The following SEC63 variants were observed in gnomAD, a reference collection of about 807,000 sequenced individuals.
SEC63 encodes translocation protein SEC63 homolog.
Under a neutral mutation model 116.2 loss-of-function variants are expected in SEC63, and 56 were observed. That is an observed-to-expected ratio of 0.48 (90% CI 0.39 to 0.60). The LOEUF (loss-of-function observed/expected upper bound fraction) is 0.60. Among genes scored for constraint, SEC63 ranks in the 20% least tolerant of loss-of-function variants. The pLI, the probability that SEC63 is intolerant of heterozygous loss-of-function variation, is 0.00. For missense variants in SEC63, 668 were observed against 900.0 expected, an observed-to-expected ratio of 0.74 and a Z score of 3.30; for synonymous variants, 273 against 294.6, an observed-to-expected ratio of 0.93 and a Z score of 0.75.
Position 107,913,421 on chromosome 6 carries a change from C to T in SEC63, c.459G>A (p.Thr153=), listed in dbSNP as rs757425498. 7.4e-6 allele frequency: 12 copies of T among 1,612,174 alleles called. No homozygotes were observed. Among genetic ancestry groups the T allele is most frequent in the African/African-American group, 5.3e-5 (4 of 74,868 alleles). ...MRIAKAYAAL[T]DEESRKNWEE... ...CCCAATTTTTCCGGGACTCTTCATC[C>T]GTTAAACTAGCATCAAAAGAACAAA... Residue 153 remains threonine, a synonymous_variant, in exon 5 of 21, where the codon ACG becomes ACA. Coordinates refer to ENST00000369002, the MANE Select transcript of SEC63 (RefSeq NM_007214.5).
chr6:107,924,009 A>T (rs1425929253), intron 3 of SEC63, among the ~76,000 whole-genome samples: 1 of 152,220 alleles, frequency 6.6e-6, no homozygotes, highest in Non-Finnish European at 1.5e-5. Context: ...TCACGCCTGT[A>T]ATCCCAGCAC....
intron 17 of SEC63, among the ~76,000 whole-genome samples, chr6:107,881,645 A>G (rs1208314463): frequency 2.0e-5 from 3 of 152,120 alleles, no homozygotes; most frequent in African/African-American, 7.2e-5. Context: ...TTTAGGACCA[A>G]CTAAAGCCCA....
At chr6:107,916,901 G>A (rs1376664647) in intron 4 of SEC63, among the ~76,000 whole-genome samples, 2 of 152,068 alleles carry the variant, frequency 1.3e-5, no homozygotes, top group East Asian at 3.9e-4. Flanking sequence ...ATTCAAATTG[G>A]GCAAATTACT....
intron 13 of SEC63, among the ~76,000 whole-genome samples, chr6:107,899,453 C>A (rs1333156169): frequency 6.6e-6 from 1 of 152,154 alleles, no homozygotes; most frequent in Non-Finnish European, 1.5e-5. Flanking sequence ...TGGTGGCTCA[C>A]GCCTATAATC....
At chr6:107,886,449 T>C (rs1377775469) in intron 16 of SEC63, among the ~76,000 whole-genome samples, 2 of 152,352 alleles carry the variant, frequency 1.3e-5, no homozygotes, top group Non-Finnish European at 2.9e-5. Flanking sequence ...TCCACAAGGG[T>C]TGAACTAGTT....
intron 17 of SEC63, 136 bp downstream of exon 17, chr6:107,882,852 A>C: frequency 1.7e-6 from 1 of 593,944 alleles, no homozygotes; most frequent in East Asian, 2.9e-5. Context: ...CAAAGTAATA[A>C]AATTATAAAA....
chr6:107,875,346 T>A (rs1287434823), intron 19 of SEC63, among the ~76,000 whole-genome samples: 1 of 152,078 alleles, frequency 6.6e-6, no homozygotes, highest in African/African-American at 2.4e-5. Flanking sequence ...CGGGTGGGGA[T>A]CTAGGGAGGT....
intron 16 of SEC63, 131 bp downstream of exon 16, chr6:107,893,351 C>A: frequency 2.5e-6 from 2 of 812,062 alleles, no homozygotes; most frequent in Non-Finnish European, 4.0e-6. Flanking sequence ...GAGAAGAGCA[C>A]AAGGGAGCTT....
rs757194767 is a variant in SEC63 at position 107,876,630 on chromosome 6, T to C, written c.1968A>G (p.Ala656=). 8 of 1,554,632 alleles carry C rather than the reference T, an allele frequency of 5.1e-6. No homozygotes were observed. The highest frequency in any genetic ancestry group is 6.9e-6 in the Non-Finnish European group (8 of 1,151,534). Residue 656 remains alanine, a synonymous_variant, in exon 19 of 21, where the codon GCA becomes GCG. Transcript: ENST00000369002. ...ATATTAATGTCTGCTCCTTCCTATC[T>C]GCAATGTAAAGCCACCACCATTCTT... is the stretch of plus-strand genomic sequence containing the variant. ...EKQEWWWLYI[A]DRKEQTLISM...
rs146997337 is a variant in SEC63, at chr6:107,935,791, AAAAAT to A, written c.125-6282_125-6278del. Among the ~76,000 whole-genome samples the A allele has an allele frequency of 5.5e-3, 842 of 152,036 alleles. 3 individuals are homozygous for A. The highest frequency in any genetic ancestry group is 0.02 in the Middle Eastern group (6 of 294). ...AAACACCCAAGAATGATCAATTAAAAAAAATAAAATAAAATAAAATAAAATAAAGA... is the reference window on the plus strand; with the variant it reads ...AAACACCCAAGAATGATCAATTAAAAAAAATAAAATAAAATAAAATAAAGA... On this transcript the variant is annotated intron_variant, in intron 1 of 20. Transcript: ENST00000369002.
intron 1 of SEC63, among the ~76,000 whole-genome samples, chr6:107,948,515 G>A (rs533796419): frequency 1.7e-4 from 26 of 152,324 alleles, no homozygotes; most frequent in Non-Finnish European, 2.9e-5. Context: ...ATGTAACTCT[G>A]GAGTCTACTG....
intron 1 of SEC63, among the ~76,000 whole-genome samples, chr6:107,931,278 G>A (rs1466898656): frequency 6.6e-6 from 1 of 151,252 alleles, no homozygotes; most frequent in Non-Finnish European, 1.5e-5. Flanking sequence ...GGAGGCGAAG[G>A]TCGCAGTGAG....
intron 8 of SEC63, among the ~76,000 whole-genome samples, 171 bp downstream of exon 8, chr6:107,908,753 TAAG>T (rs1167828804): frequency 6.6e-6 from 1 of 152,054 alleles, no homozygotes; most frequent in African/African-American, 2.4e-5. Flanking sequence ...AAATATAAAT[TAAG>T]AAATGTGACA....
chr6:107,948,081 A>C (rs1483738812), intron 1 of SEC63, among the ~76,000 whole-genome samples: 1 of 152,170 alleles, frequency 6.6e-6, no homozygotes, highest in Non-Finnish European at 1.5e-5. Flanking sequence ...TATATATGGA[A>C]TGCCCTTCTC....
chr6:107,946,037 A>G (rs889129976), intron 1 of SEC63, among the ~76,000 whole-genome samples: 37 of 151,990 alleles, frequency 2.4e-4, no homozygotes, highest in African/African-American at 8.7e-4. Flanking sequence ...CCCAGGTTCA[A>G]GCCATTCTCC....
At chr6:107,937,859 G>T (rs543936935) in intron 1 of SEC63, among the ~76,000 whole-genome samples, 2 of 152,198 alleles carry the variant, frequency 1.3e-5, no homozygotes, top group South Asian at 4.2e-4. Flanking sequence ...AAATGTTCAT[G>T]ACTTTTGCCC....
At chr6:107,919,081 T>G (rs544507678) in intron 4 of SEC63, among the ~76,000 whole-genome samples, 1 of 152,132 alleles carries the variant, frequency 6.6e-6, no homozygotes, top group East Asian at 1.9e-4. Flanking sequence ...CGGCTAAGTT[T>G]GAATTTTTAG....
intron 2 of SEC63, among the ~76,000 whole-genome samples, chr6:107,926,668 T>TG (rs1787683298): frequency 6.6e-6 from 1 of 152,186 alleles, no homozygotes; most frequent in South Asian, 2.1e-4. Flanking sequence ...CCCCTTTTGT[T>TG]TTCCCAACTC....
chr6:107,884,255 A>G (rs1786478970), intron 16 of SEC63, among the ~76,000 whole-genome samples: 1 of 151,440 alleles, frequency 6.6e-6, no homozygotes, highest in South Asian at 2.1e-4. Flanking sequence ...TGTCTCAAAA[A>G]AAAAAAAAAA....
Sources: gnomAD v4.1 joint callset for allele counts (sites outside exome capture counted in the v4.1 genomes callset) on GRCh38, gnomAD v4.1.1 for gene constraint, MANE v1.5 for transcripts, NCBI Gene and HGNC (gene_info 2026-07-23, HGNC 2026-07-21) for gene names.